WDR27: variants seen among roughly 807,000 people sequenced by gnomAD.
WDR27 encodes WD repeat-containing protein 27.
A neutral mutation model predicts 114.4 loss-of-function variants in WDR27; 100 were observed. The observed-to-expected ratio is 0.87, with a 90% CI of 0.74 to 1.03. The LOEUF (loss-of-function observed/expected upper bound fraction) is 1.03. Ranked by LOEUF, WDR27 falls within the 50% of genes least tolerant of loss-of-function variation. WDR27 has a pLI of 0.00. For missense variants in WDR27, 1,129 were observed against 1,092.9 expected (o/e 1.03, Z -0.47); for synonymous variants, 449 against 423.1 (o/e 1.06, Z -0.75).
chr6:169,689,037 A>G, intron 1 of WDR27, 25 bp from the exon 2 acceptor site: 1 of 1,550,748 alleles, frequency 6.4e-7, no homozygotes, highest in Non-Finnish European at 8.8e-7. Flanking sequence ...TACATATAAG[A>G]TGACTATAGG....
intron 23 of WDR27, among the ~76,000 whole-genome samples, chr6:169,595,430 G>A (rs1478750402): frequency 2.0e-5 from 3 of 152,062 alleles, no homozygotes; most frequent in African/African-American, 7.2e-5. Context: ...CCAATAGTGA[G>A]GTTGTCTAGC....
intron 25 of WDR27, among the ~76,000 whole-genome samples, chr6:169,544,058 A>AT (rs1447950486): frequency 6.6e-6 from 1 of 152,214 alleles, no homozygotes; most frequent in Non-Finnish European, 1.5e-5. Flanking sequence ...GGCAACACAT[A>AT]TTTATGATAA....
At position 169,457,414 on chromosome 6, in the gene WDR27, T is replaced by A; in HGVS notation, c.*178A>T. 2 of 510,216 alleles carry A rather than the reference T, an allele frequency of 3.9e-6. No homozygotes were observed. Among genetic ancestry groups the A allele is most frequent in the Non-Finnish European group, 7.1e-6 (2 of 282,890 alleles). 31.6% of individuals were successfully genotyped at this position (510,216 alleles called of 1,614,324 possible). ...TTTGAGGAGCAGAAAGACATAAAACTCTGACATGGCACACACAGAGGGGAG... is the reference window on the plus strand; with the variant it reads ...TTTGAGGAGCAGAAAGACATAAAACACTGACATGGCACACACAGAGGGGAG... On this transcript the variant is annotated 3_prime_UTR_variant, in exon 26 of 26. Transcript: ENST00000448612.
At chr6:169,562,237 C>T (rs188635895) in intron 25 of WDR27, among the ~76,000 whole-genome samples, 47 of 152,298 alleles carry the variant, frequency 3.1e-4, no homozygotes, top group Non-Finnish European at 5.4e-4. Flanking sequence ...GCAGAGTCTA[C>T]ATTCTTTCCA....
chr6:169,603,317 T>C (rs1207409364), intron 22 of WDR27, among the ~76,000 whole-genome samples: 1 of 152,188 alleles, frequency 6.6e-6, no homozygotes, highest in African/African-American at 2.4e-5. Context: ...TAAATCTTTA[T>C]AAAAATGTCA....
In WDR27 at chr6:169,660,663, C is replaced by G; in HGVS notation, c.1129G>C (p.Asp377His). ...ATGGCGTTGAAATCAAAGATCTTAC[C>G]CTTGTAATACAAAGCAGCTTCCACT... ...LEVEAALYYKDFQSLSILLAG... is the reference protein window; with the variant it reads ...LEVEAALYYKHFQSLSILLAG... The change falls in exon 10 of 26, where the codon GAT becomes CAT. Residue 377 changes from aspartate (D) to histidine (H), a missense_variant and splice_region_variant. Physicochemically the swap from Asp to His is moderately conservative, Grantham distance 81. Coordinates refer to ENST00000448612, the MANE Select transcript of WDR27 (RefSeq NM_182552.5). 6.2e-7 allele frequency: 1 copy of G among 1,612,252 alleles called. No individual in the cohort carries two copies. Among genetic ancestry groups the G allele is most frequent in the Non-Finnish European group, 8.5e-7 (1 of 1,178,326 alleles).
At chr6:169,658,637 C>T (rs1427137829) in intron 12 of WDR27, among the ~76,000 whole-genome samples, 1 of 151,496 alleles carries the variant, frequency 6.6e-6, no homozygotes, top group Non-Finnish European at 1.5e-5. Context: ...ATAGAAGCAA[C>T]AGCACGAAAA....
At chr6:169,563,911 A>G (rs1434712388) in intron 25 of WDR27, among the ~76,000 whole-genome samples, 1 of 152,246 alleles carries the variant, frequency 6.6e-6, no homozygotes, top group Non-Finnish European at 1.5e-5. Context: ...CAGTGGCTGT[A>G]TCAGTCAGGG....
chr6:169,428,497 G>T, the WDR27 span, among the ~76,000 whole-genome samples: 204 of 150,394 alleles, frequency 1.4e-3, 3 homozygotes, highest in East Asian at 0.033. Flanking sequence ...ACATATTAAC[G>T]AATGTTTCAG....
intron 13 of WDR27, 93 bp from the exon 14 acceptor site, chr6:169,652,101 C>T (rs1822748391): frequency 1.8e-6 from 2 of 1,099,226 alleles, no homozygotes; most frequent in Non-Finnish European, 2.6e-6. Context: ...AAAACAGAAA[C>T]ATTCACACAA....
chr6:169,687,670 C>A (rs777238939), intron 2 of WDR27, among the ~76,000 whole-genome samples: 1 of 152,146 alleles, frequency 6.6e-6, no homozygotes, highest in Non-Finnish European at 1.5e-5. Context: ...TGAATATAGA[C>A]ATCCCTCACT....
chr6:169,553,108 G>T, intron 25 of WDR27, among the ~76,000 whole-genome samples: 1 of 146,476 alleles, frequency 6.8e-6, no homozygotes. Flanking sequence ...GCAGGGAGGT[G>T]GGGAGGGCCT....
At chr6:169,527,306 C>T (rs73789997) in intron 25 of WDR27, among the ~76,000 whole-genome samples, 2,491 of 152,170 alleles carry the variant, frequency 0.016, 64 homozygotes, top group African/African-American at 0.057. Context: ...TTTTCAGCCA[C>T]AAAAATTAAG....
intron 25 of WDR27, among the ~76,000 whole-genome samples, chr6:169,486,537 G>A (rs1055113671): frequency 1.3e-5 from 2 of 152,022 alleles, no homozygotes; most frequent in Admixed American, 6.5e-5. Context: ...TGTCACCCAG[G>A]CTGGAGTGCA....
chr6:169,681,901 G>A (rs76612060), intron 2 of WDR27, among the ~76,000 whole-genome samples: 374 of 152,172 alleles, frequency 2.5e-3, no homozygotes, highest in Non-Finnish European at 3.6e-3. Context: ...GCTAGGAGAT[G>A]CATGCTCCTC....
chr6:169,680,674 T>C (rs1482794271), intron 2 of WDR27, among the ~76,000 whole-genome samples: 2 of 152,190 alleles, frequency 1.3e-5, no homozygotes, highest in Non-Finnish European at 2.9e-5. Context: ...GTCAGGTTTG[T>C]AGCATATGCA....
chr6:169,626,299 A>G (rs1814798627), intron 21 of WDR27, among the ~76,000 whole-genome samples: 1 of 152,176 alleles, frequency 6.6e-6, no homozygotes, highest in African/African-American at 2.4e-5. Flanking sequence ...TTGCACACCC[A>G]CAGAGGGTGA....
In WDR27 at chr6:169,659,130, A is replaced by T; in HGVS notation, c.1275T>A (p.Ala425=). 1 of 1,607,524 alleles carries T rather than the reference A, an allele frequency of 6.2e-7. No homozygotes were observed. The highest frequency in any genetic ancestry group is 1.1e-5 in the South Asian group (1 of 90,328). ...TCTGCCCCATGCTGGGGCACTGCTG[A>T]GCCCTGACTAGCGCGGCCGGGTTGA... ...LEINPAALVR[A]QQCPSMGQSL... Residue 425 remains alanine (A), a synonymous_variant, in exon 12 of 26, where the codon GCT becomes GCA. Transcript: ENST00000448612. This position sits in a 1 kb window ranked among gnomAD's most constrained non-coding sequence, Gnocchi z 4.3.
At chr6:169,636,002 A>T (rs1817587244) in intron 19 of WDR27, among the ~76,000 whole-genome samples, 1 of 152,240 alleles carries the variant, frequency 6.6e-6, no homozygotes, top group East Asian at 1.9e-4. Flanking sequence ...GGTGTAGCTA[A>T]GAAGATATTT....
Sources: gnomAD v4.1 joint callset for allele counts (sites outside exome capture counted in the v4.1 genomes callset) on GRCh38, gnomAD v4.1.1 for gene constraint, Gnocchi (gnomAD v3.1) non-coding constraint, MANE v1.5 for transcripts, NCBI Gene and HGNC (gene_info 2026-07-23, HGNC 2026-07-21) for gene names.